Variants in CSGALNACT1 observed in about 807,000 individuals in gnomAD.
CSGALNACT1 encodes the protein beta4GalNAcT-1.
A neutral mutation model predicts 51.0 loss-of-function variants in CSGALNACT1; 52 were observed. That is an observed-to-expected ratio of 1.02 (90% CI 0.82 to 1.29). The LOEUF is 1.29. Among genes scored for constraint, CSGALNACT1 ranks in the 50% most tolerant of loss-of-function variants. The pLI is 0.00. For synonymous variants in CSGALNACT1, 341 were observed against 254.4 expected, an observed-to-expected ratio of 1.34 and a Z score of -3.24; for missense variants, 935 against 679.2, an observed-to-expected ratio of 1.38 and a Z score of -4.19.
intron 4 of CSGALNACT1, among the ~76,000 whole-genome samples, chr8:19,459,352 C>T (rs1586490137): frequency 1.5e-5 from 2 of 131,466 alleles, no homozygotes; most frequent in African/African-American, 6.0e-5. Context: ...CACTTCACTC[C>T]AGTATGGGCA....
rs1283095037 is a variant in CSGALNACT1 at position 19,514,965 on chromosome 8, G to T, written c.-296-8835C>A. 2.0e-5 allele frequency among the ~76,000 whole-genome samples: 3 copies of T among 152,120 alleles called. No individual in the cohort carries two copies. The East Asian group carries it at 5.8e-4, about 29-fold the overall frequency. Reference sequence around the variant, plus strand: ...TCTCACCCTGATGGACCATCCTGGAGCCCACAGATACCTAGCTCCAGGTTT... The same window carrying T: ...TCTCACCCTGATGGACCATCCTGGATCCCACAGATACCTAGCTCCAGGTTT... On this transcript the variant is annotated intron_variant, in intron 3 of 9. Transcript: ENST00000454498.
intron 1 of CSGALNACT1, among the ~76,000 whole-genome samples, chr8:19,750,120 C>A (rs555304602): frequency 3.3e-5 from 5 of 152,220 alleles, no homozygotes; most frequent in Admixed American, 6.5e-5. Flanking sequence ...CTTGTTCCAA[C>A]TTCCATGAGA....
At chr8:19,554,533 C>T (rs973766426) in intron 3 of CSGALNACT1, among the ~76,000 whole-genome samples, 3 of 44,828 alleles carry the variant, frequency 6.7e-5, no homozygotes, top group Non-Finnish European at 1.2e-4. Context: ...GCGATGCAAC[C>T]ATATTGAGCA....
chr8:19,670,457 T>C (rs2059703240), intron 1 of CSGALNACT1, among the ~76,000 whole-genome samples: 1 of 152,066 alleles, frequency 6.6e-6, no homozygotes, highest in Non-Finnish European at 1.5e-5. Flanking sequence ...TAAGAAAATG[T>C]CATTAAATAT....
intron 4 of CSGALNACT1, among the ~76,000 whole-genome samples, chr8:19,491,165 T>C (rs1485270746): frequency 6.6e-6 from 1 of 152,208 alleles, no homozygotes; most frequent in Non-Finnish European, 1.5e-5. Context: ...ATAAAAACTT[T>C]ATAATTATTT....
At chr8:19,733,294 A>G (rs2063787725) in intron 1 of CSGALNACT1, among the ~76,000 whole-genome samples, 2 of 152,182 alleles carry the variant, frequency 1.3e-5, no homozygotes, top group South Asian at 4.1e-4. Flanking sequence ...TCAATTTGGA[A>G]CTTGCTCCTT....
At chr8:19,735,107 C>T (rs1319627623) in intron 1 of CSGALNACT1, among the ~76,000 whole-genome samples, 1 of 151,972 alleles carries the variant, frequency 6.6e-6, no homozygotes, top group Non-Finnish European at 1.5e-5. Context: ...CTGAGAACCC[C>T]CAAAATGCAG....
chr8:19,541,702 G>A (rs2154071076), intron 3 of CSGALNACT1, among the ~76,000 whole-genome samples: 1 of 151,286 alleles, frequency 6.6e-6, no homozygotes, highest in East Asian at 1.9e-4. Flanking sequence ...CACCTGGCCT[G>A]GCTGATACAT....
Position 19,752,816 on chromosome 8 carries a change from A to AC in CSGALNACT1, c.-297+5033_-297+5034insG, listed in dbSNP as rs2065123804. Among the ~76,000 whole-genome samples, 3 of 152,222 alleles carry AC rather than the reference A, an allele frequency of 2.0e-5. No homozygotes were observed. The South Asian group carries it at 6.2e-4, about 32-fold the overall frequency. On this transcript the variant is annotated intron_variant, in intron 1 of 1. Transcript: ENST00000517494. ...ATGTTATGTTTTATGCATTGCCTAA[A>AC]AACAGCAATAAAAATTATCTGTGCA...
chr8:19,571,518 A>C (rs2043030535), intron 3 of CSGALNACT1, among the ~76,000 whole-genome samples: 1 of 151,528 alleles, frequency 6.6e-6, no homozygotes, highest in African/African-American at 2.4e-5. Flanking sequence ...GTCAGCTGCC[A>C]CTCTTTCTCC....
exon 2 of CSGALNACT1, chr8:19,601,814 G>T (rs28558562): frequency 1.3e-5 from 6 of 453,758 alleles, no homozygotes; most frequent in South Asian, 9.3e-5. Flanking sequence ...CTACATCATT[G>T]CTCCTCTGGG....
At chr8:19,676,583 A>G (rs1206165524) in intron 1 of CSGALNACT1, among the ~76,000 whole-genome samples, 1 of 152,226 alleles carries the variant, frequency 6.6e-6, no homozygotes, top group Non-Finnish European at 1.5e-5. Context: ...GTGGAATGAT[A>G]CCAAAAGATG....
chr8:19,598,855 G>T (rs892360607), intron 2 of CSGALNACT1, among the ~76,000 whole-genome samples: 7 of 152,316 alleles, frequency 4.6e-5, no homozygotes, highest in African/African-American at 1.7e-4. Context: ...TCAGGTAGGA[G>T]ACATCCCTTT....
At chr8:19,589,749 A>C (rs1488950531) in intron 3 of CSGALNACT1, among the ~76,000 whole-genome samples, 2 of 152,234 alleles carry the variant, frequency 1.3e-5, no homozygotes, top group Non-Finnish European at 2.9e-5. Context: ...AGCTTGTTAC[A>C]AAAAGGTATG....
chr8:19,457,952 G>A, intron 5 of CSGALNACT1: 4 of 525,908 alleles, frequency 7.6e-6, no homozygotes, highest in South Asian at 6.6e-5. Context: ...TCAATGCATT[G>A]CAGCCACCAC....
At chr8:19,626,446 A>G (rs1231431503) in intron 1 of CSGALNACT1, among the ~76,000 whole-genome samples, 2 of 152,242 alleles carry the variant, frequency 1.3e-5, no homozygotes, top group Non-Finnish European at 2.9e-5. Flanking sequence ...ATCAAAATGG[A>G]TCCTAGATCT....
At chr8:19,431,360 A>AT (rs2059624597) in intron 6 of CSGALNACT1, among the ~76,000 whole-genome samples, 1 of 151,974 alleles carries the variant, frequency 6.6e-6, no homozygotes, top group South Asian at 2.1e-4. Context: ...TAGTTTGAGG[A>AT]TTTTTATCAT....
At chr8:19,690,530 A>T (rs1402171751) in intron 1 of CSGALNACT1, among the ~76,000 whole-genome samples, 1 of 152,254 alleles carries the variant, frequency 6.6e-6, no homozygotes, top group Non-Finnish European at 1.5e-5. Flanking sequence ...CTTACCAAAA[A>T]TGACAAAATA....
At chr8:19,516,235 T>C (rs566481968) in intron 3 of CSGALNACT1, among the ~76,000 whole-genome samples, 4 of 152,116 alleles carry the variant, frequency 2.6e-5, no homozygotes, top group Admixed American at 1.3e-4. Flanking sequence ...TACATCTTAT[T>C]AACCCCATTA....
Sources: gnomAD v4.1 joint callset for allele counts (sites outside exome capture counted in the v4.1 genomes callset) on GRCh38, gnomAD v4.1.1 for gene constraint, MANE v1.5 for transcripts, NCBI Gene and HGNC (gene_info 2026-07-23, HGNC 2026-07-21) for gene names.